The following ARPP21 variants were observed in gnomAD, a reference collection of about 807,000 sequenced individuals.
The protein encoded by ARPP21 is cAMP-regulated phosphoprotein 21.
In ARPP21, 69 loss-of-function variants were observed where a neutral mutation model predicts 113.2. That is an observed-to-expected ratio of 0.61 (90% confidence interval 0.50 to 0.74). The LOEUF (loss-of-function observed/expected upper bound fraction) is 0.74, where lower values mean the gene tolerates loss of function less well. ARPP21 is among the 30% of genes least tolerant of loss of function. The pLI, the probability that ARPP21 is intolerant of heterozygous loss-of-function variation, is 0.00. For missense variants in ARPP21, 1,070 were observed against 1,037.4 expected, an observed-to-expected ratio of 1.03 and a Z score of -0.43; for synonymous variants, 368 against 375.5, an observed-to-expected ratio of 0.98 and a Z score of 0.23.
chr3:35,736,903 T>C (rs2094388509), intron 15 of ARPP21, among the ~76,000 whole-genome samples: 1 of 152,172 alleles, frequency 6.6e-6, no homozygotes, highest in African/African-American at 2.4e-5. Context: ...ACTGGGTACC[T>C]CCGTCCACAG....
rs142410821 is a variant in ARPP21, at chr3:35,773,408, A to G, written c.2138-18974A>G. Among the ~76,000 whole-genome samples, 57 of 152,268 alleles carry G rather than the reference A, an allele frequency of 3.7e-4. No individual in the cohort carries two copies. In the East Asian group the frequency reaches 8.3e-3, roughly 22 times the overall value. On this transcript the variant is annotated intron_variant, in intron 19 of 20. Transcript: ENST00000684406. ...GTAGGATATACAAGGAGTCTGTCTT[A>G]AAGACCAGGTCTTTCCATAATAAAT...
intron 2 of ARPP21, chr3:35,681,359 G>A: frequency 6.2e-6 from 1 of 161,198 alleles, no homozygotes; most frequent in South Asian, 1.8e-4. Context: ...GTCAGAAGTC[G>A]AGGGTCATTT....
chr3:35,764,467 A>G (rs989326518), intron 19 of ARPP21, among the ~76,000 whole-genome samples: 1 of 152,048 alleles, frequency 6.6e-6, no homozygotes, highest in Non-Finnish European at 1.5e-5. Flanking sequence ...CTTCTCTTCA[A>G]TGGCTGATGT....
intron 19 of ARPP21, chr3:35,792,171 TG>T (rs770906528): frequency 7.2e-6 from 4 of 551,760 alleles, no homozygotes; most frequent in Non-Finnish European, 1.3e-5. Context: ...ACAATAGAAA[TG>T]TCAGTGAATT....
chr3:35,743,394 A>G (rs2094798428), intron 18 of ARPP21, among the ~76,000 whole-genome samples: 2 of 152,354 alleles, frequency 1.3e-5, no homozygotes, highest in South Asian at 4.1e-4. Context: ...TCTCTGCTCC[A>G]TATGGCTGGG....
intron 9 of ARPP21, among the ~76,000 whole-genome samples, chr3:35,700,931 C>A (rs560148836): frequency 6.6e-6 from 1 of 151,400 alleles, no homozygotes. Context: ...ATATAAATGA[C>A]GAGTTGATGG....
intron 5 of ARPP21, chr3:35,684,971 G>C (rs1358226905): frequency 1.0e-6 from 1 of 981,726 alleles, no homozygotes; most frequent in East Asian, 1.1e-4. Context: ...TTTTAATGGA[G>C]ATTGAAAAGG....
chr3:35,683,984 T>C, intron 5 of ARPP21, 169 bp downstream of exon 5: 5 of 1,380,634 alleles, frequency 3.6e-6, no homozygotes, highest in Non-Finnish European at 4.1e-6. Flanking sequence ...AATAGTTTAA[T>C]GGTTTGTCAC....
At chr3:35,664,893 G>A (rs1709517682) in intron 1 of ARPP21, among the ~76,000 whole-genome samples, 1 of 152,140 alleles carries the variant, frequency 6.6e-6, no homozygotes, top group South Asian at 2.1e-4. Context: ...TTCAGGGAGG[G>A]GCTTCAGAGG....
At chr3:35,739,165 C>G in intron 17 of ARPP21, 152 bp from the exon 18 acceptor site, 1 of 1,009,530 alleles carries the variant, frequency 9.9e-7, no homozygotes. Flanking sequence ...TTGTTATGTT[C>G]TGGCTGAAGA....
intron 15 of ARPP21, among the ~76,000 whole-genome samples, chr3:35,732,114 G>A (rs547558776): frequency 6.6e-6 from 1 of 152,234 alleles, no homozygotes; most frequent in South Asian, 2.1e-4. Context: ...TATTTGGAAT[G>A]TCGTTCATGT....
chr3:35,790,714 A>G (rs1234417622), intron 19 of ARPP21, among the ~76,000 whole-genome samples: 1 of 152,206 alleles, frequency 6.6e-6, no homozygotes, highest in African/African-American at 2.4e-5. Context: ...TGCCAAGCAT[A>G]TTAAAGGAAG....
At position 35,708,902 on chromosome 3, in the gene ARPP21, G is replaced by A. The variant is rs574347629; in HGVS notation, c.796-67G>A. ...GAACATTTATTATTCTTAGCTGACA[G>A]TTGCTTAACCACAGATTTCTAACAA... On this transcript the variant is annotated intron_variant, in intron 10 of 20. Coordinates refer to ENST00000684406, the MANE Select transcript of ARPP21 (RefSeq NM_001385562.1). 63 of 1,047,138 alleles carry A rather than the reference G, an allele frequency of 6.0e-5. 1 individual carries two copies. The highest frequency in any genetic ancestry group is 4.3e-4 in the South Asian group (31 of 72,280). 64.9% of individuals were successfully genotyped at this position (1,047,138 alleles called of 1,614,324 possible). A position where few individuals can be genotyped will look rare whatever the true frequency, so the allele number is the denominator to read the frequency against.
chr3:35,660,621 G>GT (rs1407701002), intron 1 of ARPP21, among the ~76,000 whole-genome samples: 2 of 152,148 alleles, frequency 1.3e-5, no homozygotes, highest in African/African-American at 4.8e-5. Context: ...TCAAGTGTGT[G>GT]TAACAAGAGG....
intron 11 of ARPP21, among the ~76,000 whole-genome samples, chr3:35,711,050 A>T (rs775669252): frequency 2.0e-5 from 3 of 152,202 alleles, no homozygotes; most frequent in African/African-American, 4.8e-5. Context: ...AAATCCATGA[A>T]ATCATTTGGC....
intron 1 of ARPP21, among the ~76,000 whole-genome samples, chr3:35,665,766 ACAACTTCCCCCTGGAGTC>A (rs1233975772): frequency 1.3e-5 from 2 of 152,302 alleles, no homozygotes; most frequent in Non-Finnish European, 2.9e-5. Context: ...AAAAGTTAAT[ACAACTTCCCCCTGGAGTC>A]TCCTAGAGGG....
chr3:35,771,669 A>G (rs2096208881), intron 19 of ARPP21, among the ~76,000 whole-genome samples: 1 of 152,188 alleles, frequency 6.6e-6, no homozygotes, highest in Admixed American at 6.5e-5. Flanking sequence ...TTATTCAACA[A>G]TAATACAATA....
At chr3:35,787,372 G>A (rs2096654460) in intron 19 of ARPP21, among the ~76,000 whole-genome samples, 1 of 152,116 alleles carries the variant, frequency 6.6e-6, no homozygotes, top group African/African-American at 2.4e-5. Flanking sequence ...AGATTATTTC[G>A]AGAAAACAAA....
chr3:35,643,876 AT>A lies in ARPP21; in HGVS notation c.-213+3481del, dbSNP rs1699149287. 1.3e-5 allele frequency: 2 copies of A among 152,020 alleles called. 1 individual carries two copies. Among genetic ancestry groups the A allele is most frequent in the South Asian group, 4.1e-4 (2 of 4,832 alleles). 9.4% of individuals were successfully genotyped at this position (152,020 alleles called of 1,614,324 possible). A position where few individuals can be genotyped will look rare whatever the true frequency, so the allele number is the denominator to read the frequency against. ...TCACATGGTAGTAGCCTATTTAGAA[AT>A]TTGTGAATCTCTAATCACAAAAAGA... On this transcript the variant is annotated intron_variant, in intron 1 of 20. Coordinates refer to ENST00000684406, the MANE Select transcript of ARPP21 (RefSeq NM_001385562.1).
Sources: gnomAD v4.1 joint callset for allele counts (sites outside exome capture counted in the v4.1 genomes callset) on GRCh38, gnomAD v4.1.1 for gene constraint, MANE v1.5 for transcripts, NCBI Gene and HGNC (gene_info 2026-07-23, HGNC 2026-07-21) for gene names.